ASIC2: variants seen among roughly 807,000 people sequenced by gnomAD.
The protein encoded by ASIC2 is acid-sensing ion channel 2.
ASIC2 carries 25 observed loss-of-function variants against 57.3 expected under a neutral mutation model. The ratio of observed to expected loss-of-function variants is 0.44; its 90% CI spans 0.32 to 0.61. The LOEUF is 0.61. Ranked by LOEUF, ASIC2 falls within the 20% of genes least tolerant of loss-of-function variation. ASIC2 has a pLI of 0.06. For missense variants in ASIC2, 641 were observed against 738.1 expected (o/e 0.87, Z 1.52); for synonymous variants, 319 against 307.5 (o/e 1.04, Z -0.39).
intron 1 of ASIC2, among the ~76,000 whole-genome samples, chr17:34,119,340 G>A (rs1911525802): frequency 6.6e-6 from 1 of 152,050 alleles, no homozygotes; most frequent in South Asian, 2.1e-4. Flanking sequence ...CTTCTACAAA[G>A]CATTATTGTA....
At chr17:34,142,652 A>C (rs973539527) in intron 1 of ASIC2, among the ~76,000 whole-genome samples, 5 of 152,200 alleles carry the variant, frequency 3.3e-5, no homozygotes, top group African/African-American at 4.8e-5. Flanking sequence ...CAAATTTGTC[A>C]ATTACAGCAA....
At chr17:34,146,422 G>T (rs531950529) in intron 1 of ASIC2, among the ~76,000 whole-genome samples, 1 of 152,176 alleles carries the variant, frequency 6.6e-6, no homozygotes, top group Non-Finnish European at 1.5e-5. Flanking sequence ...TTCTACAGGT[G>T]ATTTATTGAG....
intron 1 of ASIC2, among the ~76,000 whole-genome samples, chr17:33,505,372 C>T (rs1914217674): frequency 6.6e-6 from 1 of 152,044 alleles, no homozygotes; most frequent in African/African-American, 2.4e-5. Context: ...AATAGACCAC[C>T]AAGACCTGCT....
At chr17:34,030,879 GGA>G (rs1907582191) in intron 1 of ASIC2, among the ~76,000 whole-genome samples, 1 of 152,252 alleles carries the variant, frequency 6.6e-6, no homozygotes, top group Non-Finnish European at 1.5e-5. Context: ...CGAACTGGGT[GGA>G]GCCCACCACA....
intron 1 of ASIC2, among the ~76,000 whole-genome samples, chr17:33,711,655 C>G (rs974346071): frequency 1.3e-5 from 2 of 152,126 alleles, no homozygotes; most frequent in Non-Finnish European, 2.9e-5. Context: ...AAAGCAAGCA[C>G]GTCTTATCAC....
At chr17:34,148,166 G>A (rs1904367170) in intron 1 of ASIC2, among the ~76,000 whole-genome samples, 1 of 152,214 alleles carries the variant, frequency 6.6e-6, no homozygotes, top group African/African-American at 2.4e-5. Flanking sequence ...ATCTTCCAGA[G>A]AAAGAGACAC....
intron 1 of ASIC2, among the ~76,000 whole-genome samples, chr17:33,305,121 C>G (rs1403500929): frequency 6.6e-6 from 1 of 152,136 alleles, no homozygotes; most frequent in Non-Finnish European, 1.5e-5. Context: ...AGGCATGGTG[C>G]TAGGAACTTT....
intron 1 of ASIC2, among the ~76,000 whole-genome samples, chr17:33,176,165 G>A (rs1330609155): frequency 6.6e-6 from 1 of 152,096 alleles, no homozygotes; most frequent in African/African-American, 2.4e-5. Context: ...TAACCCTTCA[G>A]GGCTGGGCAG....
intron 1 of ASIC2, 199 bp from the exon 2 acceptor site, chr17:33,112,266 C>T (rs549346772): frequency 1.5e-6 from 1 of 650,826 alleles, no homozygotes; most frequent in South Asian, 2.1e-5. Context: ...CATCAAAGAG[C>T]AAATCTGGAT....
chr17:33,224,364 A>G (rs1371025410), intron 1 of ASIC2, among the ~76,000 whole-genome samples: 3 of 152,202 alleles, frequency 2.0e-5, no homozygotes, highest in African/African-American at 7.2e-5. Context: ...GTCTGGGCTA[A>G]GGAACTTAGT....
intron 1 of ASIC2, among the ~76,000 whole-genome samples, chr17:33,880,440 G>T (rs540973261): frequency 1.3e-5 from 2 of 152,072 alleles, no homozygotes; most frequent in Non-Finnish European, 2.9e-5. Context: ...CACTGATCCC[G>T]CAGAAATATA....
At chr17:34,060,671 A>C (rs189579455) in intron 1 of ASIC2, among the ~76,000 whole-genome samples, 1 of 152,288 alleles carries the variant, frequency 6.6e-6, no homozygotes, top group Non-Finnish European at 1.5e-5. Flanking sequence ...AATTCAGGAA[A>C]CTTTGGACAC....
At chr17:33,211,950 C>T (rs750162413) in intron 1 of ASIC2, among the ~76,000 whole-genome samples, 1 of 152,000 alleles carries the variant, frequency 6.6e-6, no homozygotes, top group Non-Finnish European at 1.5e-5. Context: ...TGGATCCTAT[C>T]GATCCTCACT....
Position 33,393,775 on chromosome 17 carries a change from G to A in ASIC2, c.556-281708C>T, listed in dbSNP as rs938715643. ...TGGAGTAGACCCACAATGCCATCCT[G>A]CACCAAGAGGAAGAACTCATCATCC... On this transcript the variant is annotated intron_variant, in intron 1 of 9. Coordinates refer to the ASIC2 transcript ENST00000359872. Among the ~76,000 whole-genome samples the A allele has an allele frequency of 2.0e-5, 3 of 152,144 alleles. 1 individual carries two copies. Among genetic ancestry groups the A allele is most frequent in the African/African-American group, 7.2e-5 (3 of 41,436 alleles).
intron 1 of ASIC2, among the ~76,000 whole-genome samples, chr17:33,306,112 A>G (rs1906160063): frequency 6.6e-6 from 1 of 152,236 alleles, no homozygotes; most frequent in South Asian, 2.1e-4. Flanking sequence ...ACCAGTTTTT[A>G]CCACATTTTT....
chr17:33,162,251 T>C (rs528122410), intron 1 of ASIC2, among the ~76,000 whole-genome samples: 12 of 152,240 alleles, frequency 7.9e-5, no homozygotes, highest in South Asian at 2.1e-4. Flanking sequence ...AGCTCCTGAT[T>C]AGGCACAACT....
At chr17:33,485,310 G>T (rs2141929978) in intron 1 of ASIC2, among the ~76,000 whole-genome samples, 1 of 152,358 alleles carries the variant, frequency 6.6e-6, no homozygotes, top group African/African-American at 2.4e-5. Flanking sequence ...GGTTAGGAAT[G>T]GCTGCCCAGG....
intron 1 of ASIC2, among the ~76,000 whole-genome samples, chr17:34,056,845 G>C (rs1007374200): frequency 6.6e-6 from 1 of 152,146 alleles, no homozygotes; most frequent in Admixed American, 6.5e-5. Context: ...CCTCATCGTT[G>C]GCTGGGATCC....
chr17:33,911,829 C>G (rs1038329210), intron 1 of ASIC2, among the ~76,000 whole-genome samples: 1 of 152,094 alleles, frequency 6.6e-6, no homozygotes, highest in Non-Finnish European at 1.5e-5. Context: ...ATTTTAAAAG[C>G]AGTGGATCGG....
Sources: allele counts gnomAD v4.1 joint callset (sites outside exome capture counted in the v4.1 genomes callset), GRCh38; gene constraint gnomAD v4.1.1; transcripts MANE v1.5; gene names NCBI Gene and HGNC (gene_info 2026-07-23, HGNC 2026-07-21).